Variants in CNKSR2 observed in about 807,000 individuals in gnomAD.
CNKSR2 encodes connector enhancer of kinase suppressor of Ras 2, also known as CNK homolog protein 2.
Under a neutral mutation model 84.4 loss-of-function variants are expected in CNKSR2, and 14 were observed. The observed-to-expected ratio is 0.17, with a 90% confidence interval of 0.11 to 0.26. The LOEUF is 0.26. CNKSR2 is among the 10% of genes least tolerant of loss of function. The pLI is 1.00. For missense variants in CNKSR2, 485 were observed against 771.2 expected, an observed-to-expected ratio of 0.63 and a Z score of 4.40; for synonymous variants, 275 against 277.9, an observed-to-expected ratio of 0.99 and a Z score of 0.10.
At chrX:21,635,917 T>C (rs1045614773) in intron 20 of CNKSR2, among the ~76,000 whole-genome samples, 2 of 111,383 alleles carry the variant, frequency 1.8e-5, no homozygotes, top group African/African-American at 6.5e-5. Context: ...GTCATAGATG[T>C]ATAATCAGTG....
chrX:21,543,872 T>C (rs916429857), intron 11 of CNKSR2, among the ~76,000 whole-genome samples: 2 of 110,589 alleles, frequency 1.8e-5, no homozygotes, highest in Non-Finnish European at 3.8e-5. Context: ...ACCCAGTCTG[T>C]AGTGCAATGG....
intron 7 of CNKSR2, among the ~76,000 whole-genome samples, chrX:21,500,223 G>A (rs1320118619): frequency 9.0e-6 from 1 of 110,941 alleles, no homozygotes; most frequent in Non-Finnish European, 1.9e-5. Flanking sequence ...TCCCTGGTAT[G>A]TTGTCTTATC....
At position 21,374,600 on chromosome X, in the gene CNKSR2, A is replaced by G. The variant is rs2089770631; in HGVS notation, c.-298A>G. The G allele has an allele frequency of 2.2e-6, 1 of 458,991 alleles. No homozygotes were observed. Among genetic ancestry groups the G allele is most frequent in the East Asian group, 4.5e-5 (1 of 22,416 alleles). The allele number at this position is 458,991 out of a possible 1,213,427, so 37.8% of individuals were successfully genotyped here. A position where few individuals can be genotyped will look rare whatever the true frequency, so the allele number is the denominator to read the frequency against. Reference sequence around the variant, plus strand: ...ACCGGAGCGGAGCGGCGGAGGCAGCAGCAGCAGCAGCAGCAGCAGCAGCAG... The same window carrying G: ...ACCGGAGCGGAGCGGCGGAGGCAGCGGCAGCAGCAGCAGCAGCAGCAGCAG... On this transcript the variant is annotated 5_prime_UTR_variant, in exon 1 of 22. Coordinates refer to ENST00000379510, the MANE Select transcript of CNKSR2 (RefSeq NM_014927.5).
rs10592013 is a variant in CNKSR2 at position 21,483,593 on chromosome X, A to AATATATAT, written c.562-6850_562-6843dup. Among the ~76,000 whole-genome samples, 501 of 98,725 alleles carry AATATATAT rather than the reference A, an allele frequency of 5.1e-3. 2 individuals are homozygous for AATATATAT. Among genetic ancestry groups the AATATATAT allele is most frequent in the Non-Finnish European group, 7.6e-3 (372 of 49,019 alleles). The allele number at this position is 98,725 out of a possible 115,157, so 85.7% of individuals were successfully genotyped here. On this transcript the variant is annotated intron_variant, in intron 5 of 21. Coordinates refer to ENST00000379510, the MANE Select transcript of CNKSR2 (RefSeq NM_014927.5). ...TACCCTAGAACTTAAAGTATAATAA[A>AATATATAT]ATATATATATATATATATATATAAA...
At chrX:21,520,689 CT>C (rs749709439) in intron 9 of CNKSR2, among the ~76,000 whole-genome samples, 129 of 98,064 alleles carry the variant, frequency 1.3e-3, no homozygotes, top group South Asian at 4.9e-3. Flanking sequence ...AAAAACCCAG[CT>C]TTTTTTTTTT....
In CNKSR2 at chrX:21,540,615, A is replaced by G. The variant is rs191756458; in HGVS notation, c.1303+8548A>G. Among the ~76,000 whole-genome samples, 13 of 112,139 alleles carry G rather than the reference A, an allele frequency of 1.2e-4. No homozygotes were observed. In the East Asian group the frequency reaches 2.0e-3, roughly 17 times the overall value. The stretch of plus-strand genomic sequence containing the variant: ...TTTAATCTCTTAGCACTTGTGTGAT[A>G]CCTTAAAATGCACTATGTAAGTCTT... On this transcript the variant is annotated intron_variant, in intron 11 of 21. Transcript: ENST00000379510.
intron 8 of CNKSR2, among the ~76,000 whole-genome samples, 167 bp downstream of exon 8, chrX:21,501,755 A>G (rs1052663481): frequency 2.7e-5 from 3 of 111,098 alleles, no homozygotes; most frequent in Non-Finnish European, 5.7e-5. Flanking sequence ...TGGAACGTAA[A>G]GCATTTTTTT....
intron 3 of CNKSR2, 85 bp downstream of exon 3, chrX:21,432,899 G>T: frequency 1.0e-6 from 1 of 961,853 alleles, no homozygotes; most frequent in Non-Finnish European, 1.5e-6. Context: ...GTTGTGAAAG[G>T]ATTGGACAGG....
At chrX:21,603,955 G>A (rs184429492) in intron 18 of CNKSR2, among the ~76,000 whole-genome samples, 4 of 110,919 alleles carry the variant, frequency 3.6e-5, no homozygotes, top group Admixed American at 9.6e-5. Flanking sequence ...ATAAAATTGC[G>A]TATCATTGAA....
At chrX:21,414,233 T>C (rs961890253) in intron 1 of CNKSR2, among the ~76,000 whole-genome samples, 3 of 111,476 alleles carry the variant, frequency 2.7e-5, no homozygotes, top group Non-Finnish European at 3.8e-5. Context: ...CCAGGATTTG[T>C]TACTGCTTGT....
intron 20 of CNKSR2, among the ~76,000 whole-genome samples, chrX:21,627,941 A>G (rs2092631446): frequency 9.0e-6 from 1 of 111,580 alleles, no homozygotes; most frequent in South Asian, 3.8e-4. Flanking sequence ...TCAAAAGTCC[A>G]CAGTCCAAAG....
chrX:21,415,833 T>TAC lies in CNKSR2; in HGVS notation c.65-10626_65-10625dup, dbSNP rs559013925. 5.4e-3 allele frequency among the ~76,000 whole-genome samples: 478 copies of TAC among 88,179 alleles called. 4 individuals are homozygous for TAC. Among genetic ancestry groups the TAC allele is most frequent in the South Asian group, 7.9e-3 (13 of 1,639 alleles). The allele number at this position is 88,179 out of a possible 115,157, so 76.6% of individuals were successfully genotyped here. On this transcript the variant is annotated intron_variant, in intron 1 of 21. Transcript: ENST00000379510. ...TATATACAATACATATATACATATA[T>TAC]ACACACACACACACACACACACACA...
intron 17 of CNKSR2, among the ~76,000 whole-genome samples, chrX:21,596,360 T>A (rs978365074): frequency 1.8e-5 from 2 of 111,847 alleles, no homozygotes; most frequent in African/African-American, 6.5e-5. Flanking sequence ...AGCCCTTTAA[T>A]AAAGTGAAAA....
At chrX:21,393,593 A>T (rs1824997184) in intron 1 of CNKSR2, among the ~76,000 whole-genome samples, 1 of 112,274 alleles carries the variant, frequency 8.9e-6, no homozygotes, top group Admixed American at 9.4e-5. Context: ...TAGGGTGGCT[A>T]GCTATTGCAG....
intron 11 of CNKSR2, 125 bp downstream of exon 11, chrX:21,532,192 T>C (rs1415696766): frequency 7.2e-6 from 3 of 417,196 alleles, no homozygotes; most frequent in East Asian, 7.8e-5. Flanking sequence ...AATTGATCTG[T>C]CTCTCTCATG....
At chrX:21,537,824 T>C (rs1345577673) in intron 11 of CNKSR2, 1 of 107,346 alleles carries the variant, frequency 9.3e-6, no homozygotes, top group African/African-American at 3.4e-5. Context: ...TCAGCCAGTC[T>C]ATATCTTTTG....
At chrX:21,401,361 C>A (rs2090189158) in intron 1 of CNKSR2, among the ~76,000 whole-genome samples, 1 of 111,754 alleles carries the variant, frequency 8.9e-6, no homozygotes, top group Non-Finnish European at 1.9e-5. Context: ...ATTTCTTGAT[C>A]ATTATCTAAA....
At chrX:21,595,421 G>T in intron 17 of CNKSR2, 26 bp downstream of exon 17, 1 of 897,477 alleles carries the variant, frequency 1.1e-6, no homozygotes, top group Non-Finnish European at 1.6e-6. Flanking sequence ...GTATGTAGAA[G>T]GTCAGTGAGG....
chrX:21,405,892 A>G (rs2090256150), intron 1 of CNKSR2, among the ~76,000 whole-genome samples: 1 of 111,870 alleles, frequency 8.9e-6, no homozygotes, highest in Admixed American at 9.5e-5. Context: ...AGTTAGTTTT[A>G]GGAAATGATC....
Sources: allele counts gnomAD v4.1 joint callset (sites outside exome capture counted in the v4.1 genomes callset), GRCh38; gene constraint gnomAD v4.1.1; transcripts MANE v1.5; gene names NCBI Gene and HGNC (gene_info 2026-07-23, HGNC 2026-07-21).